Variants in GUCY1A2 observed in about 807,000 individuals in gnomAD.
The protein encoded by GUCY1A2 is guanylate cyclase 1 soluble subunit alpha 2.
A neutral mutation model predicts 63.5 loss-of-function variants in GUCY1A2; 27 were observed. The ratio of observed to expected loss-of-function variants is 0.43; its 90% CI spans 0.31 to 0.59. GUCY1A2 has a LOEUF of 0.59. Ranked by LOEUF, GUCY1A2 falls within the 20% of genes least tolerant of loss-of-function variation. GUCY1A2 has a pLI of 0.11. For missense variants in GUCY1A2, 768 were observed against 913.3 expected (o/e 0.84, Z 2.05); for synonymous variants, 364 against 343.5 (o/e 1.06, Z -0.66).
intron 4 of GUCY1A2, chr11:106,827,877 C>G: frequency 6.3e-7 from 1 of 1,585,874 alleles, no homozygotes; most frequent in Non-Finnish European, 8.7e-7. Context: ...CATGGGAGGG[C>G]GCGCTGCCTT....
At chr11:106,851,173 T>A (rs1418891116) in intron 4 of GUCY1A2, among the ~76,000 whole-genome samples, 1 of 150,748 alleles carries the variant, frequency 6.6e-6, no homozygotes, top group Non-Finnish European at 1.5e-5. Context: ...CTTTGCCCAC[T>A]TTTTAAATGG....
At chr11:106,695,264 G>A (rs1372096327) in intron 7 of GUCY1A2, among the ~76,000 whole-genome samples, 1 of 152,146 alleles carries the variant, frequency 6.6e-6, no homozygotes, top group Non-Finnish European at 1.5e-5. Context: ...GTACCTGAGT[G>A]ATATCTGGAA....
At chr11:106,882,515 C>T (rs1408278955) in intron 4 of GUCY1A2, among the ~76,000 whole-genome samples, 3 of 151,810 alleles carry the variant, frequency 2.0e-5, no homozygotes, top group Admixed American at 6.6e-5. Flanking sequence ...AATCATGAAC[C>T]GTTTTCTAAT....
chr11:106,846,003 A>G (rs1859265844), intron 4 of GUCY1A2, among the ~76,000 whole-genome samples: 1 of 151,672 alleles, frequency 6.6e-6, no homozygotes, highest in Non-Finnish European at 1.5e-5. Flanking sequence ...GCTCTTGCCA[A>G]AAACATTTAA....
chr11:106,946,513 A>G (rs1565339963), intron 3 of GUCY1A2, among the ~76,000 whole-genome samples: 1 of 152,200 alleles, frequency 6.6e-6, no homozygotes, highest in African/African-American at 2.4e-5. Context: ...AAGGTTGAAA[A>G]TGAGTCAACA....
intron 6 of GUCY1A2, among the ~76,000 whole-genome samples, chr11:106,734,195 C>T (rs1197367834): frequency 6.6e-6 from 1 of 152,150 alleles, no homozygotes; most frequent in African/African-American, 2.4e-5. Flanking sequence ...CACACATCCA[C>T]ATACCAGCAA....
chr11:106,887,568 T>G (rs1170347156), intron 4 of GUCY1A2, among the ~76,000 whole-genome samples: 1 of 152,200 alleles, frequency 6.6e-6, no homozygotes, highest in Admixed American at 6.5e-5. Context: ...AACTCCATGC[T>G]TTTTGCCAGC....
At chr11:106,983,109 T>C (rs80074842) in intron 2 of GUCY1A2, among the ~76,000 whole-genome samples, 4 of 152,152 alleles carry the variant, frequency 2.6e-5, no homozygotes, top group Non-Finnish European at 5.9e-5. Context: ...GAAGGTGGCA[T>C]GATGTAATTT....
intron 4 of GUCY1A2, among the ~76,000 whole-genome samples, chr11:106,829,647 C>T (rs1859024324): frequency 1.3e-5 from 2 of 152,142 alleles, no homozygotes; most frequent in South Asian, 2.1e-4. Context: ...TTGAGCTCCT[C>T]CTACCTTTAG....
intron 3 of GUCY1A2, among the ~76,000 whole-genome samples, chr11:106,966,128 G>A (rs757981776): frequency 1.5e-4 from 23 of 151,442 alleles, no homozygotes; most frequent in Non-Finnish European, 2.6e-4. Flanking sequence ...GTTTTTTTGA[G>A]ACAGAGTCTC....
At chr11:107,014,757 G>A (rs1268556609) in intron 1 of GUCY1A2, among the ~76,000 whole-genome samples, 1 of 152,144 alleles carries the variant, frequency 6.6e-6, no homozygotes, top group Non-Finnish European at 1.5e-5. Flanking sequence ...ATGCCACGAT[G>A]AGACAACTGA....
At chr11:106,787,468 G>A (rs1276533431) in intron 5 of GUCY1A2, among the ~76,000 whole-genome samples, 1 of 139,546 alleles carries the variant, frequency 7.2e-6, no homozygotes. Context: ...CCTGAAAAAA[G>A]AGCAATCAGA....
At chr11:106,752,167 G>A (rs1037905882) in intron 6 of GUCY1A2, among the ~76,000 whole-genome samples, 3 of 152,144 alleles carry the variant, frequency 2.0e-5, no homozygotes, top group Admixed American at 2.0e-4. Flanking sequence ...CTTAGGATTT[G>A]AGCTGGCCAA....
At chr11:106,829,208 G>A (rs1315979998) in intron 4 of GUCY1A2, among the ~76,000 whole-genome samples, 1 of 152,132 alleles carries the variant, frequency 6.6e-6, no homozygotes, top group Non-Finnish European at 1.5e-5. Flanking sequence ...GTCCTGCAGT[G>A]GTGTGGAACA....
At chr11:106,822,084 A>T (rs1157396326) in intron 4 of GUCY1A2, among the ~76,000 whole-genome samples, 1 of 152,194 alleles carries the variant, frequency 6.6e-6, no homozygotes, top group African/African-American at 2.4e-5. Flanking sequence ...TGGCTGTTGC[A>T]TAAGCAGAAT....
chr11:106,725,918 C>G (rs901202919), intron 6 of GUCY1A2, among the ~76,000 whole-genome samples: 1 of 151,550 alleles, frequency 6.6e-6, no homozygotes, highest in Non-Finnish European at 1.5e-5. Context: ...GTGCAGTACT[C>G]TGGGGGCAGG....
At chr11:106,797,938 G>A (rs1036074910) in intron 5 of GUCY1A2, among the ~76,000 whole-genome samples, 1 of 152,124 alleles carries the variant, frequency 6.6e-6, no homozygotes, top group Non-Finnish European at 1.5e-5. Context: ...GAAGGAGATA[G>A]AGACACAAAA....
At chr11:106,786,298 C>G (rs1591276439) in intron 5 of GUCY1A2, among the ~76,000 whole-genome samples, 1 of 152,188 alleles carries the variant, frequency 6.6e-6, no homozygotes, top group African/African-American at 2.4e-5. Context: ...TAATTACACT[C>G]ATTTTGGTTG....
Position 106,674,303 on chromosome 11 carries a change from A to G in GUCY1A2, c.*13246T>C, listed in dbSNP as rs1862309933. On this transcript the variant is annotated 3_prime_UTR_variant, in exon 8 of 8. Coordinates refer to ENST00000526355, the MANE Select transcript of GUCY1A2 (RefSeq NM_000855.3). ...ATTTCGAATAATAACAAATAAAAGA[A>G]TGAGTAAAAAGTGGTGTTACATGAA... The G allele has an allele frequency of 5.5e-6, 1 of 180,660 alleles. No individual in the cohort carries two copies. Among genetic ancestry groups the G allele is most frequent in the Non-Finnish European group, 1.2e-5 (1 of 84,488 alleles). 11.2% of individuals were successfully genotyped at this position (180,660 alleles called of 1,614,324 possible).
Sources: gnomAD v4.1 joint callset for allele counts (sites outside exome capture counted in the v4.1 genomes callset) on GRCh38, gnomAD v4.1.1 for gene constraint, MANE v1.5 for transcripts, NCBI Gene and HGNC (gene_info 2026-07-23, HGNC 2026-07-21) for gene names.